SPINK5: variants seen among roughly 807,000 people sequenced by gnomAD.
SPINK5 encodes serine peptidase inhibitor Kazal type 5.
SPINK5 carries 125 observed loss-of-function variants against 151.8 expected under a neutral mutation model. The observed-to-expected ratio is 0.82, with a 90% CI of 0.71 to 0.96. The LOEUF (loss-of-function observed/expected upper bound fraction) is 0.96. Among genes scored for constraint, SPINK5 ranks in the 40% least tolerant of loss-of-function variants. The pLI is 0.00. For synonymous variants in SPINK5, 374 were observed against 395.3 expected (o/e 0.95, Z 0.64); for missense variants, 1,194 against 1,291.9 (o/e 0.92, Z 1.16).
intron 28 of SPINK5, chr5:148,125,445 G>A (rs968893019): frequency 7.6e-6 from 10 of 1,320,138 alleles, no homozygotes; most frequent in Non-Finnish European, 9.7e-6. Flanking sequence ...GGAAAATGGG[G>A]AAAGGAAGGA....
At chr5:148,132,522 T>C (rs889224252) in intron 31 of SPINK5, among the ~76,000 whole-genome samples, 9 of 152,186 alleles carry the variant, frequency 5.9e-5, no homozygotes, top group Non-Finnish European at 1.2e-4. Context: ...AGTCACTGAA[T>C]CCCTGCAACC....
intron 7 of SPINK5, among the ~76,000 whole-genome samples, chr5:148,089,886 GTA>G (rs1561682483): frequency 6.6e-6 from 1 of 151,808 alleles, no homozygotes; most frequent in African/African-American, 2.4e-5. Context: ...ATTTGAAAAT[GTA>G]TAGTGTTTTA....
intron 9 of SPINK5, among the ~76,000 whole-genome samples, chr5:148,095,247 T>C (rs1753423964): frequency 6.6e-6 from 1 of 152,008 alleles, no homozygotes; most frequent in Admixed American, 6.6e-5. Context: ...TTTGTTGACT[T>C]TCAGTCTTTT....
intron 26 of SPINK5, 53 bp from the exon 27 acceptor site, chr5:148,123,780 G>T: frequency 6.2e-7 from 1 of 1,611,386 alleles, no homozygotes; most frequent in Non-Finnish European, 8.5e-7. Flanking sequence ...CATGTTATCA[G>T]GTTTGAAAGA....
At chr5:148,086,154 A>T (rs1753148204) in intron 4 of SPINK5, among the ~76,000 whole-genome samples, 2 of 151,882 alleles carry the variant, frequency 1.3e-5, no homozygotes, top group South Asian at 4.1e-4. Context: ...CAGAGTGGTG[A>T]CGTGGCCTAC....
At chr5:148,076,174 T>G (rs886433303) in intron 4 of SPINK5, among the ~76,000 whole-genome samples, 6 of 151,764 alleles carry the variant, frequency 4.0e-5, no homozygotes, top group African/African-American at 1.5e-4. Flanking sequence ...CAAAGGTCTA[T>G]CTGAGAGGGT....
At chr5:148,123,811 C>CT in intron 26 of SPINK5, 22 bp from the exon 27 acceptor site, 1 of 1,613,642 alleles carries the variant, frequency 6.2e-7, no homozygotes, top group Non-Finnish European at 8.5e-7. Flanking sequence ...ACAGTAACAA[C>CT]TTTTTCTGCT....
Position 148,114,413 on chromosome 5 carries a change from AC to A in SPINK5, c.1940del (p.Thr647LysfsTer68). The A allele has an allele frequency of 6.2e-7, 1 of 1,613,710 alleles. No homozygotes were observed. The highest frequency in any genetic ancestry group is 8.5e-7 in the Non-Finnish European group (1 of 1,179,722). On this transcript the variant is annotated frameshift_variant, in exon 21 of 33. Transcript: ENST00000256084. LOFTEE classifies it high-confidence loss of function. ...TTTGCAAAATGGAAAACTTTTCTGC[AC>A]AAGAGAAAATGATCCTGTGCGTGGC... is the stretch of plus-strand genomic sequence containing the variant. ...RLLQNGKLFC[T>X]RENDPVRGPD...
intron 8 of SPINK5, among the ~76,000 whole-genome samples, chr5:148,093,659 C>CT (rs536809477): frequency 1.8e-3 from 264 of 143,024 alleles, no homozygotes; most frequent in East Asian, 0.011. Flanking sequence ...ACTTTTTTTT[C>CT]TTTTTTTTTT....
rs1465982112 is a variant in SPINK5, at chr5:148,065,383, C to T, written c.81+11C>T. 4.3e-6 allele frequency: 7 copies of T among 1,613,250 alleles called. No homozygotes were observed. The Admixed American group carries it at 5.0e-5, about 12-fold the overall frequency. ...AAGAATGAAGATCAGGTTAGTCCTGCTTTTTCTGTTCATTGAATTCATTCC... is the reference window on the plus strand; with the variant it reads ...AAGAATGAAGATCAGGTTAGTCCTGTTTTTTCTGTTCATTGAATTCATTCC... On this transcript the variant is annotated intron_variant, in intron 2 of 32. Coordinates refer to ENST00000256084, the MANE Select transcript of SPINK5 (RefSeq NM_006846.4).
chr5:148,071,997 G>T (rs1328054547), intron 3 of SPINK5, 151 bp from the exon 4 acceptor site: 5 of 692,732 alleles, frequency 7.2e-6, no homozygotes, highest in Non-Finnish European at 1.3e-5. Flanking sequence ...GGAGATCTGG[G>T]GTTCTGTGTC....
intron 24 of SPINK5, 99 bp from the exon 25 acceptor site, chr5:148,119,910 A>G: frequency 2.8e-6 from 4 of 1,407,142 alleles, no homozygotes; most frequent in Non-Finnish European, 4.0e-6. Flanking sequence ...GCAAGGTTAC[A>G]TGGCTGCCTG....
chr5:148,114,963 T>C (rs1281591048), intron 21 of SPINK5, among the ~76,000 whole-genome samples: 3 of 152,264 alleles, frequency 2.0e-5, no homozygotes, highest in Admixed American at 6.5e-5. Context: ...ACATCTACAA[T>C]GTACAATGTG....
chr5:148,124,051 A>G (rs1266325814), intron 27 of SPINK5, 91 bp downstream of exon 27: 1 of 1,421,530 alleles, frequency 7.0e-7, no homozygotes, highest in Non-Finnish European at 9.7e-7. Context: ...GATACTTGGC[A>G]TCACACATTA....
chr5:148,114,255 G>C, intron 20 of SPINK5, 107 bp from the exon 21 acceptor site: 1 of 1,324,494 alleles, frequency 7.6e-7, no homozygotes, highest in East Asian at 2.8e-5. Flanking sequence ...AAAATTCTCA[G>C]GTCATTTTCT....
chr5:148,125,605 A>T, intron 28 of SPINK5, 118 bp from the exon 29 acceptor site: 1 of 1,614,204 alleles, frequency 6.2e-7, no homozygotes, highest in Non-Finnish European at 8.5e-7. Flanking sequence ...TGTTGCCAGG[A>T]TGAGTACAGT....
chr5:148,119,483 T>A (rs748300885), intron 24 of SPINK5, among the ~76,000 whole-genome samples: 50 of 152,320 alleles, frequency 3.3e-4, no homozygotes, highest in Non-Finnish European at 1.9e-4. Context: ...TTCCATAAGT[T>A]TTAAATGGTC....
At chr5:148,095,544 A>T (rs2113095491) in intron 9 of SPINK5, among the ~76,000 whole-genome samples, 1 of 152,138 alleles carries the variant, frequency 6.6e-6, no homozygotes, top group Non-Finnish European at 1.5e-5. Context: ...GCTCATTTGT[A>T]TTTGGGAACT....
At chr5:148,123,734 T>C in intron 26 of SPINK5, 99 bp from the exon 27 acceptor site, 1 of 1,538,392 alleles carries the variant, frequency 6.5e-7, no homozygotes, top group Non-Finnish European at 8.9e-7. Context: ...TCTCTGTTTT[T>C]TTCCTGTGTT....
Sources: gnomAD v4.1 joint callset for allele counts (sites outside exome capture counted in the v4.1 genomes callset) on GRCh38, gnomAD v4.1.1 for gene constraint, MANE v1.5 for transcripts, NCBI Gene and HGNC (gene_info 2026-07-23, HGNC 2026-07-21) for gene names.